TOX: variants seen among roughly 807,000 people sequenced by gnomAD.
TOX encodes the protein thymocyte selection-associated high mobility group box protein TOX.
Under a neutral mutation model 53.7 loss-of-function variants are expected in TOX, and 11 were observed. That is an observed-to-expected ratio of 0.20 (90% confidence interval 0.13 to 0.34). The LOEUF is 0.34. TOX is among the 10% of genes least tolerant of loss of function. The pLI is 1.00. For missense variants in TOX, 570 were observed against 664.6 expected (o/e 0.86, Z 1.56); for synonymous variants, 225 against 245.3 (o/e 0.92, Z 0.77).
At chr8:59,036,758 C>T (rs1347923898) in intron 1 of TOX, among the ~76,000 whole-genome samples, 2 of 152,146 alleles carry the variant, frequency 1.3e-5, no homozygotes, top group Admixed American at 6.5e-5. Context: ...ATTCTTCATA[C>T]ATTTGGGGTA....
intron 1 of TOX, among the ~76,000 whole-genome samples, chr8:59,011,573 C>CT (rs1175505137): frequency 5.5e-5 from 6 of 108,404 alleles, no homozygotes; most frequent in Admixed American, 9.7e-5. Context: ...TTCTTCCTAT[C>CT]TTTTTTTCAA....
chr8:59,115,348 T>C (rs1434557357), intron 1 of TOX, among the ~76,000 whole-genome samples: 2 of 152,204 alleles, frequency 1.3e-5, no homozygotes, highest in Non-Finnish European at 2.9e-5. Flanking sequence ...TGTCCTATCT[T>C]AGCATAAAAC....
intron 3 of TOX, among the ~76,000 whole-genome samples, chr8:58,923,623 A>G (rs1039950844): frequency 6.6e-6 from 1 of 152,180 alleles, no homozygotes; most frequent in Admixed American, 6.5e-5. Context: ...ACATCATTTT[A>G]TAACTTAAAG....
intron 1 of TOX, among the ~76,000 whole-genome samples, chr8:58,960,372 G>A (rs1812779884): frequency 6.6e-6 from 1 of 152,190 alleles, no homozygotes; most frequent in African/African-American, 2.4e-5. Flanking sequence ...TGAATGGCAT[G>A]ATTTCTGAAA....
chr8:58,880,212 G>T (rs1029940003), intron 3 of TOX, among the ~76,000 whole-genome samples: 1 of 152,172 alleles, frequency 6.6e-6, no homozygotes, highest in Non-Finnish European at 1.5e-5. Context: ...CTGCCTGGAT[G>T]TCAGTGCTCT....
intron 3 of TOX, among the ~76,000 whole-genome samples, chr8:58,939,027 T>C (rs1812391097): frequency 6.6e-6 from 1 of 152,172 alleles, no homozygotes; most frequent in South Asian, 2.1e-4. Context: ...GGTAAGCCGG[T>C]TTGACTCTAT....
intron 3 of TOX, among the ~76,000 whole-genome samples, chr8:58,855,077 T>C (rs1810891688): frequency 6.6e-6 from 1 of 152,216 alleles, no homozygotes; most frequent in Non-Finnish European, 1.5e-5. Flanking sequence ...AAATTTATTT[T>C]GAATAATTCA....
intron 1 of TOX, among the ~76,000 whole-genome samples, chr8:58,994,515 T>C (rs898820559): frequency 2.6e-4 from 40 of 152,060 alleles, no homozygotes; most frequent in African/African-American, 9.4e-4. Flanking sequence ...TAGAAAGTTC[T>C]ACTGTCCAGA....
At chr8:58,994,142 A>G (rs1182728663) in intron 1 of TOX, among the ~76,000 whole-genome samples, 1 of 152,194 alleles carries the variant, frequency 6.6e-6, no homozygotes, top group Non-Finnish European at 1.5e-5. Context: ...GTGAAGACTC[A>G]TATGAAATGA....
intron 2 of TOX, 150 bp from the exon 3 acceptor site, chr8:58,939,694 T>G: frequency 8.6e-7 from 1 of 1,157,744 alleles, no homozygotes; most frequent in Non-Finnish European, 1.2e-6. Context: ...TGCTGCCATT[T>G]CATCATTATG....
chr8:58,807,670 G>A lies in TOX; in HGVS notation c.*77C>T. 2 of 1,550,312 alleles carry A rather than the reference G, an allele frequency of 1.3e-6. No homozygotes were observed. Among genetic ancestry groups the A allele is most frequent in the Admixed American group, 1.7e-5 (1 of 59,272 alleles). On this transcript the variant is annotated 3_prime_UTR_variant, in exon 9 of 9. Coordinates refer to ENST00000361421, the MANE Select transcript of TOX (RefSeq NM_014729.3). ...GTATTTTCTAATAAAATGGAGAACTGCCTTGACTGTACAAAGCAATCCATG... is the reference window on the plus strand; with the variant it reads ...GTATTTTCTAATAAAATGGAGAACTACCTTGACTGTACAAAGCAATCCATG...
chr8:59,058,736 G>A (rs903198853), intron 1 of TOX, among the ~76,000 whole-genome samples: 17 of 152,168 alleles, frequency 1.1e-4, no homozygotes, highest in African/African-American at 4.1e-4. Context: ...GAGCTCAGGA[G>A]GCTCCATGGT....
At chr8:58,923,517 C>A (rs529646496) in intron 3 of TOX, among the ~76,000 whole-genome samples, 1 of 152,160 alleles carries the variant, frequency 6.6e-6, no homozygotes, top group South Asian at 2.1e-4. Context: ...TCTTCTTCCC[C>A]ACTTCTCCCT....
chr8:58,947,407 T>C (rs911947804), intron 2 of TOX, among the ~76,000 whole-genome samples: 1 of 152,160 alleles, frequency 6.6e-6, no homozygotes, highest in Non-Finnish European at 1.5e-5. Flanking sequence ...TTTATTCAAA[T>C]GTTTTGTCTT....
chr8:58,873,318 T>C (rs1472450382), intron 3 of TOX, among the ~76,000 whole-genome samples: 1 of 152,182 alleles, frequency 6.6e-6, no homozygotes, highest in Admixed American at 6.6e-5. Context: ...AAAAATATTC[T>C]AAAAATCCAT....
intron 1 of TOX, among the ~76,000 whole-genome samples, chr8:59,000,964 A>G (rs1455153855): frequency 2.2e-5 from 3 of 134,930 alleles, no homozygotes; most frequent in Non-Finnish European, 5.2e-5. Flanking sequence ...CTGATTTACT[A>G]TCTTCCCACT....
At chr8:58,935,290 AG>A (rs1812325245) in intron 3 of TOX, among the ~76,000 whole-genome samples, 1 of 152,176 alleles carries the variant, frequency 6.6e-6, no homozygotes. Flanking sequence ...ATAATATAAA[AG>A]AACTTAAGTA....
rs1554524169 is a variant in TOX at position 58,851,158 on chromosome 8, G to GTT, written c.693+365_693+366insAA. 4.7e-4 allele frequency among the ~76,000 whole-genome samples: 56 copies of GTT among 118,294 alleles called. No individual in the cohort carries two copies. The highest frequency in any genetic ancestry group is 5.8e-4 in the Admixed American group (7 of 11,996). 77.6% of individuals were successfully genotyped at this position (118,294 alleles called of 152,430 possible). On this transcript the variant is annotated intron_variant, in intron 4 of 8. Transcript: ENST00000361421. The surrounding 1 kb of genome is among the most constrained non-coding windows in gnomAD (Gnocchi z 4.4). ...CACCATACATCTCCTCTCTCTCTCT[G>GTT]TCTCTCTCTCTCTCTCTCTCTCTCT...
In TOX at chr8:58,964,290, A is replaced by G. The variant is rs112082790; in HGVS notation, c.103-4282T>C. On this transcript the variant is annotated intron_variant, in intron 1 of 8. Transcript: ENST00000361421. ...TCTCCAAAGAATCTTGAGCTGCCAA[A>G]TAAAAATACGTATGTGTATCAGAAT... Among the ~76,000 whole-genome samples, 1,028 of 152,362 alleles carry G rather than the reference A, an allele frequency of 6.7e-3. 6 individuals are homozygous for G. Among genetic ancestry groups the G allele is most frequent in the African/African-American group, 0.024 (983 of 41,578 alleles).
Sources: allele counts gnomAD v4.1 joint callset (sites outside exome capture counted in the v4.1 genomes callset), GRCh38; gene constraint gnomAD v4.1.1; non-coding constraint Gnocchi (gnomAD v3.1); transcripts MANE v1.5; gene names NCBI Gene and HGNC (gene_info 2026-07-23, HGNC 2026-07-21).